Variants in SPATA17 observed in about 807,000 individuals in gnomAD.
SPATA17 encodes the protein spermatogenesis-associated protein 17.
A neutral mutation model predicts 62.2 loss-of-function variants in SPATA17; 53 were observed. The observed-to-expected ratio is 0.85, with a 90% CI of 0.68 to 1.07. The LOEUF (loss-of-function observed/expected upper bound fraction) is 1.07. SPATA17 is among the 50% of genes least tolerant of loss of function. The pLI is 0.00. For synonymous variants in SPATA17, 146 were observed against 146.8 expected (o/e 0.99, Z 0.04); for missense variants, 466 against 425.5 (o/e 1.10, Z -0.84).
At chr1:217,726,078 T>C (rs1050176899) in intron 5 of SPATA17, among the ~76,000 whole-genome samples, 46 of 152,188 alleles carry the variant, frequency 3.0e-4, no homozygotes, top group African/African-American at 1.0e-3. Context: ...AAATCTCTAA[T>C]TGTCTAAAAA....
intron 9 of SPATA17, among the ~76,000 whole-genome samples, chr1:217,808,359 A>C (rs1294943704): frequency 1.1e-5 from 1 of 93,190 alleles, no homozygotes; most frequent in Non-Finnish European, 2.7e-5. Context: ...ACACACACAC[A>C]CACACACACA....
intron 6 of SPATA17, among the ~76,000 whole-genome samples, chr1:217,751,388 G>A (rs1042188887): frequency 2.6e-5 from 4 of 152,044 alleles, no homozygotes; most frequent in African/African-American, 2.4e-5. Context: ...TCTGACCCAC[G>A]ATCTTTGGAT....
intron 9 of SPATA17, among the ~76,000 whole-genome samples, chr1:217,811,320 A>AC: frequency 6.6e-6 from 1 of 152,090 alleles, no homozygotes; most frequent in Non-Finnish European, 1.5e-5. Context: ...GAGCCACCAC[A>AC]CCCAGAGATT....
intron 1 of SPATA17, among the ~76,000 whole-genome samples, chr1:217,636,317 CT>C (rs1177019830): frequency 6.6e-6 from 1 of 152,126 alleles, no homozygotes; most frequent in East Asian, 1.9e-4. Flanking sequence ...TGAAAGATGA[CT>C]TTGTTGAGAA....
At position 217,631,895 on chromosome 1, in the gene SPATA17, C is replaced by T. The variant is rs757017371; in HGVS notation, c.68+449C>T. ...GACTCATTCGCCTTTTTAAAATGAA[C>T]GTATCTGCCGGGTGTGGTGGCTCAC... On this transcript the variant is annotated intron_variant, in intron 1 of 10. Transcript: ENST00000366933. Among the ~76,000 whole-genome samples the T allele has an allele frequency of 5.3e-5, 8 of 152,048 alleles. No homozygotes were observed. The South Asian group carries it at 6.2e-4, about 12-fold the overall frequency.
intron 5 of SPATA17, among the ~76,000 whole-genome samples, chr1:217,722,424 A>C (rs1017971687): frequency 1.1e-4 from 17 of 152,036 alleles, no homozygotes; most frequent in Non-Finnish European, 2.2e-4. Context: ...TTTTTTGATA[A>C]AAATAATACA....
chr1:217,715,714 T>G (rs1671987338), intron 5 of SPATA17, among the ~76,000 whole-genome samples: 1 of 152,162 alleles, frequency 6.6e-6, no homozygotes, highest in South Asian at 2.1e-4. Context: ...TTATTTTATG[T>G]GAACAACTTC....
At chr1:217,686,557 C>T (rs1339024209) in intron 5 of SPATA17, among the ~76,000 whole-genome samples, 1 of 151,694 alleles carries the variant, frequency 6.6e-6, no homozygotes, top group Admixed American at 6.6e-5. Context: ...ATTTTTGTTT[C>T]CTAATTAAAT....
At chr1:217,646,625 G>C (rs566253799) in intron 1 of SPATA17, among the ~76,000 whole-genome samples, 1 of 151,968 alleles carries the variant, frequency 6.6e-6, no homozygotes, top group South Asian at 2.1e-4. Flanking sequence ...AGCTGAGCAC[G>C]GTGGCTCACA....
chr1:217,674,017 A>T (rs1670890141), intron 4 of SPATA17, among the ~76,000 whole-genome samples: 1 of 152,074 alleles, frequency 6.6e-6, no homozygotes, highest in Non-Finnish European at 1.5e-5. Flanking sequence ...CTTATACCCA[A>T]TTCTTATATT....
rs577910641 is a variant in SPATA17, at chr1:217,777,720, A to G, written c.723+3183A>G. Among the ~76,000 whole-genome samples, 634 of 152,230 alleles carry G rather than the reference A, an allele frequency of 4.2e-3. 1 individual carries two copies. Among genetic ancestry groups the G allele is most frequent in the Non-Finnish European group, 6.8e-3 (459 of 67,998 alleles). On this transcript the variant is annotated intron_variant, in intron 7 of 10. Coordinates refer to ENST00000366933, the MANE Select transcript of SPATA17 (RefSeq NM_138796.4). ...CCAGGCCCATGTATCAGCATTCTCA[A>G]TTACCTAGTAAACTAATCCATTTAT...
At chr1:217,761,026 G>A (rs1455008476) in intron 6 of SPATA17, among the ~76,000 whole-genome samples, 2 of 152,156 alleles carry the variant, frequency 1.3e-5, no homozygotes, top group African/African-American at 4.8e-5. Flanking sequence ...GCATAAGGGA[G>A]TCATAGTGAA....
intron 9 of SPATA17, among the ~76,000 whole-genome samples, chr1:217,847,194 A>G (rs1158291204): frequency 6.6e-6 from 1 of 151,948 alleles, no homozygotes; most frequent in East Asian, 1.9e-4. Context: ...ATAATATATT[A>G]ATATTAAGAC....
intron 5 of SPATA17, among the ~76,000 whole-genome samples, chr1:217,683,613 C>A (rs774150924): frequency 1.3e-4 from 20 of 151,846 alleles, no homozygotes; most frequent in Non-Finnish European, 4.4e-5. Context: ...TAATTTTTTT[C>A]TATTTTTTAG....
In SPATA17 at chr1:217,774,497, G is replaced by A. The variant is rs761102893; in HGVS notation, c.683G>A (p.Arg228Gln). Residue 228 changes from arginine (R) to glutamine (Q), a missense_variant, in exon 7 of 11, where the codon CGG becomes CAG. Arg to Gln is a conservative substitution (Grantham distance 43). Transcript: ENST00000366933. Reference protein sequence around the residue: ...LACTSARSFPRSEILPPINRK... With the variant: ...LACTSARSFPQSEILPPINRK... ...TGTACAAGCGCCCGTTCTTTTCCTC[G>A]GTCTGAAATTCTACCACCTATTAAT... 10 of 1,613,774 alleles carry A rather than the reference G, an allele frequency of 6.2e-6. No individual in the cohort carries two copies. Among genetic ancestry groups the A allele is most frequent in the South Asian group, 2.2e-5 (2 of 91,076 alleles).
intron 9 of SPATA17, among the ~76,000 whole-genome samples, chr1:217,837,213 T>G (rs1183140352): frequency 6.6e-6 from 1 of 152,094 alleles, no homozygotes; most frequent in Non-Finnish European, 1.5e-5. Flanking sequence ...AGCAAATTGA[T>G]GAGATTAAAA....
At chr1:217,806,911 A>G (rs886886128) in intron 9 of SPATA17, among the ~76,000 whole-genome samples, 2 of 152,278 alleles carry the variant, frequency 1.3e-5, no homozygotes, top group African/African-American at 4.8e-5. Flanking sequence ...TATACCATGT[A>G]ACATACAAGT....
chr1:217,689,445 C>CA lies in SPATA17; in HGVS notation c.395+6084_395+6085insA, dbSNP rs775537351. Among the ~76,000 whole-genome samples, 29 of 151,920 alleles carry CA rather than the reference C, an allele frequency of 1.9e-4. 1 individual carries two copies. Among genetic ancestry groups the CA allele is most frequent in the Admixed American group, 9.8e-4 (15 of 15,240 alleles). On this transcript the variant is annotated intron_variant, in intron 5 of 10. Transcript: ENST00000366933. ...TTCGCCATGTTGGCCAGGCTGGTCT[C>CA]GAACTCCTGGCCTCAGGTGATCTGG...
Position 217,869,034 on chromosome 1 carries a change from T to A in SPATA17, c.*2015T>A, listed in dbSNP as rs1363715337. ...GTTTATTTGGCCAAGGTTAAGGACA[T>A]GCCCTTGACACTGCACCTGTCAGTA... On this transcript the variant is annotated 3_prime_UTR_variant, in exon 11 of 11. Coordinates refer to ENST00000366933, the MANE Select transcript of SPATA17 (RefSeq NM_138796.4). 1 of 152,270 alleles carries A rather than the reference T, an allele frequency of 6.6e-6. No homozygotes were observed. Among genetic ancestry groups the A allele is most frequent in the East Asian group, 1.9e-4 (1 of 5,196 alleles). 9.4% of individuals were successfully genotyped at this position (152,270 alleles called of 1,614,324 possible). A position where few individuals can be genotyped will look rare whatever the true frequency, so the allele number is the denominator to read the frequency against.
Sources: gnomAD v4.1 joint callset for allele counts (sites outside exome capture counted in the v4.1 genomes callset) on GRCh38, gnomAD v4.1.1 for gene constraint, MANE v1.5 for transcripts, NCBI Gene and HGNC (gene_info 2026-07-23, HGNC 2026-07-21) for gene names.